OR4M1: variants seen among roughly 807,000 people sequenced by gnomAD.
The protein encoded by OR4M1 is olfactory receptor family 4 subfamily M member 1.
Under a neutral mutation model 9.8 loss-of-function variants are expected in OR4M1, and 7 were observed. The ratio of observed to expected loss-of-function variants is 0.71; its 90% CI spans 0.41 to 1.34. The LOEUF (loss-of-function observed/expected upper bound fraction) is 1.34, where lower values mean the gene tolerates loss of function less well. Ranked by LOEUF, OR4M1 falls within the 40% of genes most tolerant of loss-of-function variation. The pLI is 0.01. For missense variants in OR4M1, 331 were observed against 380.4 expected (o/e 0.87, Z 1.08); for synonymous variants, 121 against 139.8 (o/e 0.87, Z 0.95).
At chr14:19,776,146 T>C (rs1410794372) in intron 1 of OR4M1, among the ~76,000 whole-genome samples, 3 of 152,240 alleles carry the variant, frequency 2.0e-5, no homozygotes, top group Non-Finnish European at 4.4e-5. Flanking sequence ...GTTGTATATA[T>C]CCACAATGGT....
intron 1 of OR4M1, among the ~76,000 whole-genome samples, chr14:19,774,070 G>A (rs554575422): frequency 6.6e-6 from 1 of 152,320 alleles, no homozygotes; most frequent in South Asian, 2.1e-4. Context: ...TCTGTGAAGA[G>A]GATGGGAAAG....
intron 1 of OR4M1, among the ~76,000 whole-genome samples, chr14:19,775,416 G>A (rs2138427075): frequency 6.6e-6 from 1 of 152,022 alleles, no homozygotes; most frequent in South Asian, 2.1e-4. Context: ...CCACCCTGCA[G>A]GCTGCAACTC....
chr14:19,780,609 G>C lies in OR4M1; in HGVS notation c.287G>C (p.Gly96Ala), dbSNP rs62619918. ...FVERKIISFG[G>A]CIAQLFFLHF... ...GAGAGGAAGATAATTTCCTTTGGTG[G>C]ATGCATTGCACAGCTCTTCTTCTTA... is the stretch of plus-strand genomic sequence containing the variant. Residue 96 changes from glycine to alanine, a missense_variant, in exon 2 of 2, where the codon GGA becomes GCA. Gly to Ala is a moderately conservative substitution (Grantham distance 60). Transcript: ENST00000641200. 1.9e-4 allele frequency: 302 copies of C among 1,614,168 alleles called. No homozygotes were observed. In the East Asian group the frequency reaches 4.6e-3, roughly 25 times the overall value.
chr14:19,780,136 T>C (rs1878423970), intron 1 of OR4M1, 158 bp from the exon 2 acceptor site: 1 of 654,456 alleles, frequency 1.5e-6, no homozygotes, highest in Non-Finnish European at 2.5e-6. Flanking sequence ...GTTCATCACA[T>C]ACTTTCTCTT....
intron 1 of OR4M1, among the ~76,000 whole-genome samples, chr14:19,776,452 T>A (rs1471747563): frequency 6.6e-6 from 1 of 152,214 alleles, no homozygotes; most frequent in East Asian, 1.9e-4. Flanking sequence ...AGGTACTACG[T>A]CCCTGTAGAT....
Position 19,782,504 on chromosome 14 carries a change from C to T in OR4M1, c.*1240C>T, listed in dbSNP as rs2138434419. On this transcript the variant is annotated 3_prime_UTR_variant, in exon 2 of 2. Coordinates refer to ENST00000641200, the MANE Select transcript of OR4M1 (RefSeq NM_001005500.2). ...TTTAAGTGAATTAGATCCTTGTCAA[C>T]ATTAGGAATGAATATATAAAAATAA... is the stretch of plus-strand genomic sequence containing the variant. 1 of 152,310 alleles carries T rather than the reference C, an allele frequency of 6.6e-6. No homozygotes were observed. Among genetic ancestry groups the T allele is most frequent in the African/African-American group, 2.4e-5 (1 of 41,564 alleles). 9.4% of individuals were successfully genotyped at this position (152,310 alleles called of 1,614,324 possible). A position where few individuals can be genotyped will look rare whatever the true frequency, so the allele number is the denominator to read the frequency against.
intron 1 of OR4M1, 107 bp from the exon 2 acceptor site, chr14:19,780,187 C>T (rs1405957239): frequency 6.0e-6 from 6 of 995,026 alleles, no homozygotes; most frequent in Non-Finnish European, 7.2e-6. Context: ...CAAATGTATC[C>T]TCATGTAATC....
rs1422729470 is a variant in OR4M1, at chr14:19,781,616, C to T, written c.*352C>T. ...AATAAATAAGACATGGAGACGTGTCCATTACAAATATGAAGTAAATGGCAA... is the reference window on the plus strand; with the variant it reads ...AATAAATAAGACATGGAGACGTGTCTATTACAAATATGAAGTAAATGGCAA... On this transcript the variant is annotated 3_prime_UTR_variant, in exon 2 of 2. Transcript: ENST00000641200. The T allele has an allele frequency of 2.6e-5, 6 of 233,128 alleles. No individual in the cohort carries two copies. In the South Asian group the frequency reaches 2.7e-4, roughly 10 times the overall value. 14.4% of individuals were successfully genotyped at this position (233,128 alleles called of 1,614,324 possible). A position where few individuals can be genotyped will look rare whatever the true frequency, so the allele number is the denominator to read the frequency against.
Position 19,780,759 on chromosome 14 carries a change from C to T in OR4M1, c.437C>T (p.Ala146Val). ...MNRRLCCILV[A>V]LSWMGGFIHS... ...CGACGTCTCTGCTGTATCCTGGTGGCTCTCTCCTGGATGGGGGGCTTCATT... is the reference window on the plus strand; with the variant it reads ...CGACGTCTCTGCTGTATCCTGGTGGTTCTCTCCTGGATGGGGGGCTTCATT... Residue 146 changes from alanine to valine, a missense_variant, in exon 2 of 2, where the codon GCT (alanine) becomes GTT (valine). Ala to Val is a moderately conservative substitution (Grantham distance 64). Coordinates refer to ENST00000641200, the MANE Select transcript of OR4M1 (RefSeq NM_001005500.2). 1.2e-6 allele frequency: 2 copies of T among 1,614,232 alleles called. No individual in the cohort carries two copies. Among genetic ancestry groups the T allele is most frequent in the Admixed American group, 1.7e-5 (1 of 60,026 alleles).
intron 1 of OR4M1, among the ~76,000 whole-genome samples, chr14:19,778,241 G>C (rs1325101389): frequency 6.6e-6 from 1 of 152,122 alleles, no homozygotes; most frequent in Non-Finnish European, 1.5e-5. Context: ...ATGTATGTTT[G>C]TCTTTTCAAG....
intron 1 of OR4M1, among the ~76,000 whole-genome samples, chr14:19,774,331 C>T (rs762175752): frequency 3.3e-5 from 5 of 152,188 alleles, no homozygotes; most frequent in Non-Finnish European, 7.3e-5. Flanking sequence ...TTGTCAAAGT[C>T]TATTGATTTA....
chr14:19,779,285 A>G (rs534865773), intron 1 of OR4M1, among the ~76,000 whole-genome samples: 1 of 152,188 alleles, frequency 6.6e-6, no homozygotes, highest in Non-Finnish European at 1.5e-5. Flanking sequence ...GCAATAGGAG[A>G]GGCAATATCA....
rs778227156 is a variant in OR4M1, at chr14:19,781,053, C to A, written c.731C>A (p.Ser244Tyr). The change falls in exon 2 of 2, where the codon TCC becomes TAC. Residue 244 changes from serine to tyrosine, a missense_variant. This residue lies in a region of OR4M1 where 122 missense variants were observed against 180.5 expected (regional missense o/e 0.68). Coordinates refer to ENST00000641200, the MANE Select transcript of OR4M1 (RefSeq NM_001005500.2). ...NTNRAMSTCY[S>Y]HITIVVLMFG... The stretch of plus-strand genomic sequence containing the variant: ...AACAGGGCCATGTCCACCTGCTATT[C>A]CCACATTACCATTGTGGTGCTAATG... The A allele has an allele frequency of 1.9e-6, 3 of 1,614,224 alleles. No individual in the cohort carries two copies. The East Asian group carries it at 6.7e-5, about 36-fold the overall frequency.
At chr14:19,777,020 A>ATG (rs2138428634) in intron 1 of OR4M1, among the ~76,000 whole-genome samples, 1 of 116,898 alleles carries the variant, frequency 8.6e-6, no homozygotes, top group Admixed American at 8.6e-5. Context: ...ATATATATAT[A>ATG]TATATATATA....
intron 1 of OR4M1, among the ~76,000 whole-genome samples, chr14:19,779,987 T>C (rs1878419206): frequency 2.0e-5 from 3 of 152,262 alleles, no homozygotes; most frequent in Non-Finnish European, 2.9e-5. Context: ...ACATATTGCT[T>C]ACTAATGTAG....
intron 1 of OR4M1, among the ~76,000 whole-genome samples, chr14:19,780,065 C>T (rs1014850913): frequency 3.5e-4 from 53 of 152,194 alleles, no homozygotes; most frequent in African/African-American, 1.2e-3. Context: ...ATTAACAAGC[C>T]GAGATTTGAG....
chr14:19,780,164 T>C (rs1878424919), intron 1 of OR4M1, 130 bp from the exon 2 acceptor site: 1 of 812,974 alleles, frequency 1.2e-6, no homozygotes, highest in South Asian at 2.1e-5. Flanking sequence ...TTATCAAATA[T>C]AAAATGGGCA....
chr14:19,775,586 A>T (rs1594375641), intron 1 of OR4M1, among the ~76,000 whole-genome samples: 1 of 147,454 alleles, frequency 6.8e-6, no homozygotes, highest in Admixed American at 6.8e-5. Context: ...AATATATGTA[A>T]ATATATAATT....
At position 19,780,311 on chromosome 14, in the gene OR4M1, T is replaced by G. The variant is rs769151108; in HGVS notation, c.-12T>G. On this transcript the variant is annotated 5_prime_UTR_variant, in exon 2 of 2. Coordinates refer to ENST00000641200, the MANE Select transcript of OR4M1 (RefSeq NM_001005500.2). ...TTTCATAGTTATATTATGAAAAGAG[T>G]AAATTGAAGAAATGGAAACTGCAAA... The G allele has an allele frequency of 1.3e-6, 2 of 1,594,412 alleles. No individual in the cohort carries two copies. Among genetic ancestry groups the G allele is most frequent in the Non-Finnish European group, 1.7e-6 (2 of 1,171,880 alleles).
Sources: gnomAD v4.1 joint callset for allele counts (sites outside exome capture counted in the v4.1 genomes callset) on GRCh38, gnomAD v4.1.1 for gene constraint, gnomAD v4.1.1 regional missense constraint, MANE v1.5 for transcripts, NCBI Gene and HGNC (gene_info 2026-07-23, HGNC 2026-07-21) for gene names.